ALPK2: variants seen among roughly 807,000 people sequenced by gnomAD.
The protein encoded by ALPK2 is alpha-protein kinase 2.
A neutral mutation model predicts 163.1 loss-of-function variants in ALPK2; 127 were observed. That is an observed-to-expected ratio of 0.78 (90% confidence interval 0.67 to 0.90). The LOEUF is 0.90. Ranked by LOEUF, ALPK2 falls within the 40% of genes least tolerant of loss-of-function variation. The pLI is 0.00. For missense variants in ALPK2, 2,360 were observed against 2,589.6 expected (o/e 0.91, Z 1.92); for synonymous variants, 953 against 959.1 (o/e 0.99, Z 0.12).
chr18:58,497,232 A>C (rs1465185284), intron 12 of ALPK2, among the ~76,000 whole-genome samples: 1 of 152,152 alleles, frequency 6.6e-6, no homozygotes, highest in African/African-American at 2.4e-5. Context: ...TAAAACCTAC[A>C]TTTTGAAATA....
intron 3 of ALPK2, among the ~76,000 whole-genome samples, chr18:58,592,080 G>A (rs904150030): frequency 5.3e-5 from 8 of 152,222 alleles, no homozygotes; most frequent in African/African-American, 1.7e-4. Context: ...ACCACAGACC[G>A]GGGATGAGGA....
rs3809981 is a variant in ALPK2 at position 58,535,888 on chromosome 18, C to T, written c.4299G>A (p.Gly1433=). 758,364 of 1,613,960 alleles carry T rather than the reference C, an allele frequency of 0.47. 183,411 individuals are homozygous for T. The highest frequency in any genetic ancestry group is 0.51 in the Non-Finnish European group (595,993 of 1,179,948). The change falls in exon 5 of 13, where the codon GGG becomes GGA. Residue 1433 remains glycine, a synonymous_variant. Transcript: ENST00000361673. ...CCATGTTTCCGTCATTTGATTGACC[C>T]CCTTCTCTGGCGCCCTGTGGTGTGG... ...SETTPQGARE[G]GQSNDGNMGH... is the part of the protein sequence containing the mutation.
At chr18:58,600,197 T>C (rs2052062148) in intron 3 of ALPK2, among the ~76,000 whole-genome samples, 1 of 151,866 alleles carries the variant, frequency 6.6e-6, no homozygotes, top group Non-Finnish European at 1.5e-5. Context: ...CCACCATGCT[T>C]AGCTAATTTT....
intron 4 of ALPK2, chr18:58,543,524 G>T (rs531307032): frequency 4.1e-5 from 16 of 389,842 alleles, no homozygotes; most frequent in Non-Finnish European, 5.2e-5. Context: ...AGGCTACAAG[G>T]TTGCAGATGA....
At chr18:58,576,893 G>A (rs1319668338) in intron 4 of ALPK2, among the ~76,000 whole-genome samples, 1 of 152,230 alleles carries the variant, frequency 6.6e-6, no homozygotes, top group Admixed American at 6.5e-5. Context: ...ACTGACCACA[G>A]CAAAGTGAGA....
intron 12 of ALPK2, among the ~76,000 whole-genome samples, chr18:58,483,217 A>G (rs1210213258): frequency 1.3e-5 from 2 of 152,242 alleles, no homozygotes; most frequent in Non-Finnish European, 2.9e-5. Context: ...GAAGTAGCAC[A>G]TATGTAAACC....
intron 10 of ALPK2, among the ~76,000 whole-genome samples, chr18:58,511,257 G>A (rs2051488920): frequency 5.3e-5 from 8 of 152,194 alleles, no homozygotes; most frequent in Admixed American, 5.2e-4. Context: ...TGGTGGATAA[G>A]CTTTTTGATG....
intron 4 of ALPK2, among the ~76,000 whole-genome samples, chr18:58,571,646 A>G (rs960042518): frequency 1.3e-5 from 2 of 152,138 alleles, no homozygotes; most frequent in Admixed American, 6.5e-5. Flanking sequence ...ATTAGACCTC[A>G]TCAATATGAA....
At chr18:58,608,468 A>G (rs1247296629) in intron 2 of ALPK2, among the ~76,000 whole-genome samples, 2 of 152,242 alleles carry the variant, frequency 1.3e-5, no homozygotes, top group African/African-American at 4.8e-5. Flanking sequence ...ATTGTGTTCC[A>G]AAGAGCTTTC....
At chr18:58,514,881 C>T in intron 10 of ALPK2, 112 bp downstream of exon 10, 2 of 645,682 alleles carry the variant, frequency 3.1e-6, no homozygotes, top group Non-Finnish European at 5.1e-6. Flanking sequence ...ATGGAGCTTA[C>T]AGACTGAGAG....
intron 4 of ALPK2, among the ~76,000 whole-genome samples, chr18:58,562,543 A>T (rs2051830515): frequency 6.6e-6 from 1 of 152,252 alleles, no homozygotes; most frequent in East Asian, 1.9e-4. Flanking sequence ...GGTATAAATT[A>T]GGTACACATG....
At chr18:58,502,083 C>G (rs1172941459) in intron 11 of ALPK2, among the ~76,000 whole-genome samples, 1 of 149,464 alleles carries the variant, frequency 6.7e-6, no homozygotes, top group African/African-American at 2.5e-5. Context: ...GGAAGATCAC[C>G]TGAGTCCAGG....
intron 10 of ALPK2, among the ~76,000 whole-genome samples, chr18:58,504,823 A>C (rs2051453303): frequency 6.6e-6 from 1 of 152,264 alleles, no homozygotes; most frequent in East Asian, 1.9e-4. Context: ...TCATGGATAA[A>C]GAGCATTTGA....
intron 4 of ALPK2, among the ~76,000 whole-genome samples, chr18:58,547,931 G>A (rs2051727032): frequency 6.6e-6 from 1 of 152,180 alleles, no homozygotes; most frequent in Admixed American, 6.5e-5. Context: ...TTCTAGGAGA[G>A]TATTTTCAAA....
At chr18:58,615,804 G>A (rs1306076702) in intron 1 of ALPK2, among the ~76,000 whole-genome samples, 2 of 152,244 alleles carry the variant, frequency 1.3e-5, no homozygotes, top group Non-Finnish European at 2.9e-5. Flanking sequence ...CTGGGCTGAC[G>A]TTGAGGAGCT....
intron 9 of ALPK2, among the ~76,000 whole-genome samples, chr18:58,515,427 GT>G (rs2051516407): frequency 6.6e-6 from 1 of 152,238 alleles, no homozygotes; most frequent in Non-Finnish European, 1.5e-5. Flanking sequence ...GCACTACTGG[GT>G]TTCCTGTGAG....
Position 58,546,268 on chromosome 18 carries a change from G to A in ALPK2, c.1963-8044C>T, listed in dbSNP as rs148843801. On this transcript the variant is annotated intron_variant, in intron 4 of 12. Transcript: ENST00000361673. ...AGGGACAAGAAATCCTCAGCCAACT[G>A]GTGTTACAATTCTGTCTTCATTTCT... Among the ~76,000 whole-genome samples, 321 of 152,232 alleles carry A rather than the reference G, an allele frequency of 2.1e-3. 2 individuals carry two copies. The highest frequency in any genetic ancestry group is 7.5e-3 in the African/African-American group (312 of 41,536).
At chr18:58,493,778 G>C (rs1355094373) in intron 12 of ALPK2, among the ~76,000 whole-genome samples, 1 of 152,182 alleles carries the variant, frequency 6.6e-6, no homozygotes, top group Non-Finnish European at 1.5e-5. Flanking sequence ...CTTCCTCCGA[G>C]GGTAGAAAGA....
At chr18:58,508,457 G>A (rs1454581969) in intron 10 of ALPK2, among the ~76,000 whole-genome samples, 2 of 152,162 alleles carry the variant, frequency 1.3e-5, no homozygotes, top group Admixed American at 6.5e-5. Flanking sequence ...GGATAGATAG[G>A]AGGTTAGCAC....
Sources: gnomAD v4.1 joint callset for allele counts (sites outside exome capture counted in the v4.1 genomes callset) on GRCh38, gnomAD v4.1.1 for gene constraint, MANE v1.5 for transcripts, NCBI Gene and HGNC (gene_info 2026-07-23, HGNC 2026-07-21) for gene names.